RABGAP1L: variants seen among roughly 807,000 people sequenced by gnomAD.
RABGAP1L encodes the protein RAB GTPase activating protein 1 like, also known as rab GTPase-activating protein 1-like.
A neutral mutation model predicts 137.7 loss-of-function variants in RABGAP1L; 63 were observed. That is an observed-to-expected ratio of 0.46 (90% CI 0.37 to 0.56). The LOEUF is 0.56. Ranked by LOEUF, RABGAP1L falls within the 20% of genes least tolerant of loss-of-function variation. The pLI is 0.00. For missense variants in RABGAP1L, 1,095 were observed against 1,244.0 expected, an observed-to-expected ratio of 0.88 and a Z score of 1.80; for synonymous variants, 431 against 433.7, an observed-to-expected ratio of 0.99 and a Z score of 0.08.
At chr1:174,375,095 A>C (rs1204820453) in intron 12 of RABGAP1L, among the ~76,000 whole-genome samples, 1 of 152,076 alleles carries the variant, frequency 6.6e-6, no homozygotes, top group African/African-American at 2.4e-5. Context: ...CAGACATTGG[A>C]TTTTTGTCAG....
intron 13 of RABGAP1L, among the ~76,000 whole-genome samples, chr1:174,481,440 A>G (rs1659076675): frequency 6.6e-6 from 1 of 152,108 alleles, no homozygotes; most frequent in Non-Finnish European, 1.5e-5. Flanking sequence ...CCCACCCTCT[A>G]TACTCGTCTC....
In RABGAP1L at chr1:174,960,359, A is replaced by G. The variant is rs528782205; in HGVS notation, c.2433+2810A>G. Among the ~76,000 whole-genome samples the G allele has an allele frequency of 2.0e-5, 3 of 152,334 alleles. No homozygotes were observed. In the South Asian group the frequency reaches 6.2e-4, roughly 32 times the overall value. On this transcript the variant is annotated intron_variant, in intron 20 of 25. Transcript: ENST00000681986. ...TCTCAACAGTCATACTTCTTGCTAC[A>G]TCTATGTAAACATGTGTTTTATGTC...
intron 18 of RABGAP1L, among the ~76,000 whole-genome samples, chr1:174,807,699 C>T (rs2148845395): frequency 6.6e-6 from 1 of 152,262 alleles, no homozygotes; most frequent in East Asian, 1.9e-4. Flanking sequence ...GTGTTTTGTG[C>T]TTACTGGCAT....
chr1:174,751,832 A>T (rs1472918587), intron 17 of RABGAP1L, among the ~76,000 whole-genome samples: 1 of 152,198 alleles, frequency 6.6e-6, no homozygotes, highest in Non-Finnish European at 1.5e-5. Flanking sequence ...TGTAGTGGAA[A>T]TGCAGTGTGA....
intron 14 of RABGAP1L, among the ~76,000 whole-genome samples, chr1:174,644,528 T>C (rs1674796107): frequency 6.6e-6 from 1 of 151,692 alleles, no homozygotes; most frequent in Admixed American, 6.6e-5. Context: ...AAGATTACTA[T>C]CTAAAATACA....
At chr1:174,499,663 C>T (rs1444073072) in intron 13 of RABGAP1L, among the ~76,000 whole-genome samples, 2 of 152,084 alleles carry the variant, frequency 1.3e-5, no homozygotes, top group Non-Finnish European at 2.9e-5. Flanking sequence ...ATTATCTCAA[C>T]GAATTATTGT....
intron 1 of RABGAP1L, among the ~76,000 whole-genome samples, chr1:174,181,465 G>C (rs1284830810): frequency 6.6e-6 from 1 of 151,802 alleles, no homozygotes; most frequent in Non-Finnish European, 1.5e-5. Flanking sequence ...AGCCTCCCGA[G>C]TAGCTGGGAC....
intron 20 of RABGAP1L, among the ~76,000 whole-genome samples, chr1:174,968,067 A>G (rs1246957236): frequency 1.3e-5 from 2 of 151,966 alleles, no homozygotes; most frequent in African/African-American, 2.4e-5. Flanking sequence ...TGCCCTTACC[A>G]TGTGTTTCTT....
intron 1 of RABGAP1L, among the ~76,000 whole-genome samples, chr1:174,192,368 G>C (rs937517396): frequency 1.4e-5 from 2 of 138,280 alleles, no homozygotes; most frequent in Admixed American, 1.6e-4. Context: ...CTGTTGCCCA[G>C]CCTGGAGTGC....
intron 11 of RABGAP1L, among the ~76,000 whole-genome samples, chr1:174,327,982 CACACATATATATATATATAT>C (rs1680628425): frequency 8.1e-5 from 2 of 24,758 alleles, no homozygotes; most frequent in African/African-American, 3.0e-4. Flanking sequence ...TATATATACA[CACACATATATATATATATAT>C]ATATATATAT....
chr1:174,648,330 A>G (rs1675166495), intron 14 of RABGAP1L, among the ~76,000 whole-genome samples: 1 of 151,742 alleles, frequency 6.6e-6, no homozygotes, highest in Admixed American at 6.6e-5. Context: ...TCATTTTCTG[A>G]TGTGGGGGTT....
chr1:174,385,979 T>C (rs1223435181), intron 12 of RABGAP1L, among the ~76,000 whole-genome samples: 10 of 152,158 alleles, frequency 6.6e-5, no homozygotes, highest in Non-Finnish European at 1.3e-4. Flanking sequence ...ATGGGCAATA[T>C]AGCATGTTTG....
chr1:174,352,791 G>T (rs780361655), intron 11 of RABGAP1L, among the ~76,000 whole-genome samples: 2 of 152,204 alleles, frequency 1.3e-5, no homozygotes, highest in African/African-American at 2.4e-5. Context: ...GTATATCTGC[G>T]TTAGAGGGCA....
chr1:174,694,047 T>A (rs965464646), intron 15 of RABGAP1L, among the ~76,000 whole-genome samples: 1 of 152,094 alleles, frequency 6.6e-6, no homozygotes, highest in African/African-American at 2.4e-5. Context: ...GTAATGACGA[T>A]TTACATAGCA....
chr1:174,955,960 C>T (rs982423621), intron 19 of RABGAP1L, among the ~76,000 whole-genome samples: 13 of 152,042 alleles, frequency 8.6e-5, no homozygotes, highest in African/African-American at 2.9e-4. Context: ...AATTCTATAA[C>T]TTTGATTGTC....
intron 19 of RABGAP1L, among the ~76,000 whole-genome samples, chr1:174,869,821 T>A (rs1164195806): frequency 6.6e-6 from 1 of 152,202 alleles, no homozygotes; most frequent in African/African-American, 2.4e-5. Context: ...GACCCCTTCC[T>A]CATTCTACCA....
intron 13 of RABGAP1L, among the ~76,000 whole-genome samples, chr1:174,553,207 G>C (rs1247896513): frequency 6.6e-6 from 1 of 152,072 alleles, no homozygotes; most frequent in Non-Finnish European, 1.5e-5. Flanking sequence ...AGTTTGTTTT[G>C]CCGGGCAGAA....
At chr1:174,859,007 C>T (rs958697810) in intron 19 of RABGAP1L, among the ~76,000 whole-genome samples, 9 of 152,114 alleles carry the variant, frequency 5.9e-5, no homozygotes, top group African/African-American at 1.9e-4. Flanking sequence ...TGTGGCGATT[C>T]CTCAAAGACC....
At chr1:174,668,928 T>G (rs1676976854) in intron 14 of RABGAP1L, among the ~76,000 whole-genome samples, 2 of 152,204 alleles carry the variant, frequency 1.3e-5, no homozygotes, top group Admixed American at 1.3e-4. Context: ...TATTCACATC[T>G]TTTGCTCATT....
Sources: gnomAD v4.1 joint callset for allele counts (sites outside exome capture counted in the v4.1 genomes callset) on GRCh38, gnomAD v4.1.1 for gene constraint, MANE v1.5 for transcripts, NCBI Gene and HGNC (gene_info 2026-07-23, HGNC 2026-07-21) for gene names.